HK1: variants seen among roughly 807,000 people sequenced by gnomAD.
HK1 encodes the protein hexokinase-1.
Under a neutral mutation model 91.6 loss-of-function variants are expected in HK1, and 28 were observed. The observed-to-expected ratio is 0.31, with a 90% CI of 0.23 to 0.42. HK1 has a LOEUF of 0.42. HK1 is among the 10% of genes least tolerant of loss of function. The probability of loss-of-function intolerance (pLI) is 1.00; values close to 1 mark genes in which losing one functional copy is unlikely to be tolerated. For synonymous variants in HK1, 430 were observed against 468.1 expected (o/e 0.92, Z 1.05); for missense variants, 770 against 1,219.8 (o/e 0.63, Z 5.49).
Position 69,393,309 on chromosome 10 carries a change from TC to T in HK1, c.2219+1002del, listed in dbSNP as rs200860080. Among the ~76,000 whole-genome samples, 440 of 150,768 alleles carry T rather than the reference TC, an allele frequency of 2.9e-3. 4 individuals carry two copies. Among genetic ancestry groups the T allele is most frequent in the African/African-American group, 9.7e-3 (401 of 41,164 alleles). ...ATAGTCTTTTTCTTTTCTTTTCTTT[TC>T]TTTTTTTTTTGAGACAGAGTCTCAC... On this transcript the variant is annotated intron_variant, in intron 15 of 17. Transcript: ENST00000359426.
intron 3 of HK1, among the ~76,000 whole-genome samples, chr10:69,293,199 G>C (rs1205764501): frequency 6.6e-6 from 1 of 152,180 alleles, no homozygotes; most frequent in East Asian, 1.9e-4. Context: ...TCCTTGGGTA[G>C]CCTTCTTCTG....
At chr10:69,319,064 ATCCGCTCGCCGCC>A (rs1425220371) in intron 1 of HK1, 54 bp downstream of exon 1, 3 of 1,555,000 alleles carry the variant, frequency 1.9e-6, no homozygotes, top group African/African-American at 2.7e-5. Context: ...GCGTTCCGGC[ATCCGCTCGCCGCC>A]TCCGCTGCCT....
chr10:69,353,011 A>G (rs915405598), intron 2 of HK1, among the ~76,000 whole-genome samples: 4 of 152,158 alleles, frequency 2.6e-5, no homozygotes, highest in African/African-American at 7.2e-5. Context: ...TTCTTGAGCA[A>G]TACAGGTGCT....
intron 16 of HK1, 121 bp downstream of exon 16, chr10:69,395,226 C>T: frequency 3.6e-6 from 3 of 844,084 alleles, no homozygotes; most frequent in Non-Finnish European, 5.8e-6. Context: ...GATTTTTTTT[C>T]CTCTGGAATA....
intron 1 of HK1, among the ~76,000 whole-genome samples, chr10:69,333,717 AG>A (rs1425029984): frequency 1.3e-5 from 2 of 152,130 alleles, no homozygotes; most frequent in African/African-American, 4.8e-5. Context: ...GGTTCATAAC[AG>A]CTACCTTACA....
At chr10:69,394,247 A>G (rs527528825) in intron 15 of HK1, among the ~76,000 whole-genome samples, 23 of 152,220 alleles carry the variant, frequency 1.5e-4, no homozygotes, top group Non-Finnish European at 3.4e-4. Flanking sequence ...AAGTCCCAAG[A>G]ACAGGTTGAC....
At chr10:69,374,222 C>T (rs965256846) in intron 7 of HK1, among the ~76,000 whole-genome samples, 2 of 152,182 alleles carry the variant, frequency 1.3e-5, no homozygotes, top group African/African-American at 2.4e-5. Context: ...CTTTTCTTTC[C>T]TTGGGCTTCT....
intron 1 of HK1, among the ~76,000 whole-genome samples, chr10:69,325,717 AAT>A (rs370439763): frequency 7.7e-4 from 117 of 151,472 alleles, no homozygotes; most frequent in African/African-American, 2.7e-3. Context: ...TTGTATTTTA[AAT>A]AGAGACTGGG....
chr10:69,350,637 G>A (rs142757346), intron 2 of HK1, among the ~76,000 whole-genome samples: 4,755 of 151,972 alleles, frequency 0.031, 125 homozygotes, highest in African/African-American at 0.06. Context: ...ACTCCAGCCC[G>A]GGCAACAGTG....
intron 15 of HK1, among the ~76,000 whole-genome samples, chr10:69,393,015 C>T (rs574673659): frequency 1.3e-5 from 2 of 152,312 alleles, no homozygotes; most frequent in South Asian, 4.1e-4. Context: ...GAGTTTTGCT[C>T]TTGTTGCCCA....
Position 69,369,242 on chromosome 10 carries a change from T to C in HK1, c.597T>C (p.Tyr199=), listed in dbSNP as rs966026107. The change falls in exon 6 of 18, where the codon TAT becomes TAC. Residue 199 remains tyrosine, a synonymous_variant. Transcript: ENST00000359426. This position sits in a 1 kb window ranked among gnomAD's most constrained non-coding sequence, Gnocchi z 4.4. ...LNKAIKKRGD[Y]DANIVAVVND... is the part of the protein sequence containing the mutation. ...ACCCCGTTATCTGTCCCCAGGACTATGATGCCAACATCGTAGCTGTGGTGA... is the reference window on the plus strand; with the variant it reads ...ACCCCGTTATCTGTCCCCAGGACTACGATGCCAACATCGTAGCTGTGGTGA... 13 of 1,612,722 alleles carry C rather than the reference T, an allele frequency of 8.1e-6. No homozygotes were observed. The African/African-American group carries it at 9.3e-5, about 12-fold the overall frequency.
Position 69,389,308 on chromosome 10 carries a change from G to A in HK1, c.2035+12G>A. 6.3e-7 allele frequency: 1 copy of A among 1,588,510 alleles called. No homozygotes were observed. The highest frequency in any genetic ancestry group is 8.6e-7 in the Non-Finnish European group (1 of 1,162,568). Reference sequence around the variant, plus strand: ...TGGACTCATTGTTGGTGAGTGTCCTGGAAGGTCTCTTTCCCTGCAGAAGGG... The same window carrying A: ...TGGACTCATTGTTGGTGAGTGTCCTAGAAGGTCTCTTTCCCTGCAGAAGGG... On this transcript the variant is annotated intron_variant, in intron 14 of 17. Transcript: ENST00000359426.
chr10:69,379,967 A>G lies in HK1; in HGVS notation c.1137A>G (p.Ser379=). Residue 379 remains serine (S), a synonymous_variant, in exon 9 of 18, where the codon TCA becomes TCG. Coordinates refer to ENST00000359426, the MANE Select transcript of HK1 (RefSeq NM_000188.3). ...VSVQHVCTIV[S]FRSANLVAAT... Reference sequence around the variant, plus strand: ...TCCAGCACGTTTGCACCATTGTCTCATTTCGCTCAGCCAACTTGGTGGCTG... The same window carrying G: ...TCCAGCACGTTTGCACCATTGTCTCGTTTCGCTCAGCCAACTTGGTGGCTG... The G allele has an allele frequency of 3.7e-6, 6 of 1,613,578 alleles. No individual in the cohort carries two copies. The highest frequency in any genetic ancestry group is 5.1e-6 in the Non-Finnish European group (6 of 1,179,538).
chr10:69,295,266 CTCCGG>C (rs1845500847), intron 3 of HK1, among the ~76,000 whole-genome samples: 1 of 152,184 alleles, frequency 6.6e-6, no homozygotes, highest in African/African-American at 2.4e-5. Flanking sequence ...TCTGCCGCAG[CTCCGG>C]TGCTGCTGCG....
At chr10:69,308,989 T>C (rs1049378925) in intron 5 of HK1, among the ~76,000 whole-genome samples, 2 of 152,100 alleles carry the variant, frequency 1.3e-5, no homozygotes, top group African/African-American at 4.8e-5. Flanking sequence ...GAAATTATGA[T>C]TATAGGATAT....
At position 69,379,998 on chromosome 10, in the gene HK1, C is replaced by T. The variant is rs1230248789; in HGVS notation, c.1168C>T (p.Leu390=). The change falls in exon 9 of 18, where the codon CTG becomes TTG. Residue 390 remains leucine, a synonymous_variant. Transcript: ENST00000359426. The part of the protein sequence containing the change: ...FRSANLVAAT[L]GAILNRLRDN... The stretch of plus-strand genomic sequence containing the variant: ...CTCAGCCAACTTGGTGGCTGCCACA[C>T]TGGGCGCCATCTTGAACCGCCTGCG... The T allele has an allele frequency of 6.2e-7, 1 of 1,614,180 alleles. No homozygotes were observed.
At chr10:69,319,595 C>T (rs918686447) in intron 1 of HK1, among the ~76,000 whole-genome samples, 8 of 152,272 alleles carry the variant, frequency 5.3e-5, no homozygotes, top group Admixed American at 1.3e-4. Flanking sequence ...AAACTTTGCT[C>T]ATAGGCCTCG....
chr10:69,364,747 T>C (rs766079064), intron 3 of HK1, 36 bp from the exon 4 acceptor site: 1 of 1,614,100 alleles, frequency 6.2e-7, no homozygotes. Flanking sequence ...CTAAGCCTGC[T>C]TTGGGGCCCC....
intron 5 of HK1, among the ~76,000 whole-genome samples, chr10:69,306,337 G>A (rs111962966): frequency 3.5e-4 from 53 of 151,248 alleles, no homozygotes; most frequent in African/African-American, 1.3e-3. Context: ...CAGCCCGGGC[G>A]ACAGAGTGAG....
Sources: allele counts gnomAD v4.1 joint callset (sites outside exome capture counted in the v4.1 genomes callset), GRCh38; gene constraint gnomAD v4.1.1; non-coding constraint Gnocchi (gnomAD v3.1); transcripts MANE v1.5; gene names NCBI Gene and HGNC (gene_info 2026-07-23, HGNC 2026-07-21).